DPP10: variants seen among roughly 807,000 people sequenced by gnomAD.
The protein encoded by DPP10 is inactive dipeptidyl peptidase 10.
In DPP10, 33 loss-of-function variants were observed where a neutral mutation model predicts 120.9. That is an observed-to-expected ratio of 0.27 (90% CI 0.21 to 0.37). The LOEUF is 0.37. DPP10 is among the 10% of genes least tolerant of loss of function. DPP10 has a pLI of 1.00. For missense variants in DPP10, 816 were observed against 942.8 expected, an observed-to-expected ratio of 0.87 and a Z score of 1.76; for synonymous variants, 337 against 326.1, an observed-to-expected ratio of 1.03 and a Z score of -0.36.
chr2:114,829,878 C>G (rs1371371965), intron 1 of DPP10, among the ~76,000 whole-genome samples: 2 of 152,148 alleles, frequency 1.3e-5, no homozygotes, highest in Admixed American at 6.6e-5. Flanking sequence ...CATTTCAGAA[C>G]CCGTGTCGTC....
intron 1 of DPP10, among the ~76,000 whole-genome samples, chr2:115,152,650 A>G (rs1268611475): frequency 6.6e-6 from 1 of 151,968 alleles, no homozygotes. Flanking sequence ...CTGCATTTTT[A>G]TTATGTCTAT....
intron 3 of DPP10, among the ~76,000 whole-genome samples, chr2:115,478,677 A>T (rs1208049876): frequency 6.6e-6 from 1 of 152,202 alleles, no homozygotes; most frequent in Non-Finnish European, 1.5e-5. Context: ...AATATCCAGA[A>T]CATATAGAAA....
At chr2:114,611,089 G>A (rs970147372) in intron 1 of DPP10, among the ~76,000 whole-genome samples, 2 of 152,054 alleles carry the variant, frequency 1.3e-5, no homozygotes, top group Non-Finnish European at 2.9e-5. Flanking sequence ...TTAATGGGGA[G>A]GGATGGTCTC....
chr2:115,766,310 G>GTGTGTGTGTGTATATATA (rs1371625141), intron 12 of DPP10, among the ~76,000 whole-genome samples: 1 of 81,748 alleles, frequency 1.2e-5, no homozygotes, highest in African/African-American at 4.3e-5. Flanking sequence ...GTGTGTGTGT[G>GTGTGTGTGTGTATATATA]TATATATATA....
chr2:114,607,360 A>G lies in DPP10; in HGVS notation c.60+164522A>G, dbSNP rs552991157. Among the ~76,000 whole-genome samples the G allele has an allele frequency of 5.3e-5, 8 of 152,252 alleles. No individual in the cohort carries two copies. The South Asian group carries it at 1.7e-3, about 32-fold the overall frequency. On this transcript the variant is annotated intron_variant, in intron 1 of 25. Coordinates refer to ENST00000410059, the MANE Select transcript of DPP10 (RefSeq NM_020868.6). ...GTAACTGGAAGGATAAGGCAGATTT[A>G]TGGGTGTTTATGTGCCTATGTGACA...
At chr2:115,155,003 T>G (rs2051808459) in intron 1 of DPP10, among the ~76,000 whole-genome samples, 1 of 151,884 alleles carries the variant, frequency 6.6e-6, no homozygotes, top group Admixed American at 6.6e-5. Flanking sequence ...GTGATTCTCC[T>G]GCCTCAGCTT....
At chr2:115,831,179 T>C (rs1688882460) in intron 21 of DPP10, among the ~76,000 whole-genome samples, 2 of 152,258 alleles carry the variant, frequency 1.3e-5, no homozygotes, top group African/African-American at 4.8e-5. Flanking sequence ...ATTCATTGTG[T>C]ACCACAAGTG....
At chr2:114,989,400 G>C (rs1700621235) in intron 1 of DPP10, among the ~76,000 whole-genome samples, 1 of 152,164 alleles carries the variant, frequency 6.6e-6, no homozygotes, top group Admixed American at 6.5e-5. Context: ...GAAGTGAACG[G>C]TGCTCCAAAA....
chr2:115,376,514 A>G (rs1311229877), intron 3 of DPP10, among the ~76,000 whole-genome samples: 1 of 150,518 alleles, frequency 6.6e-6, no homozygotes, highest in African/African-American at 2.4e-5. Context: ...ACACTTGTTG[A>G]TTCTAATAGT....
At chr2:115,761,170 G>T (rs1184529852) in intron 11 of DPP10, among the ~76,000 whole-genome samples, 2 of 150,946 alleles carry the variant, frequency 1.3e-5, no homozygotes, top group Non-Finnish European at 2.9e-5. Context: ...ACTTTGGGAG[G>T]CCAAGTGGGG....
At chr2:114,524,187 T>A (rs975045195) in intron 1 of DPP10, among the ~76,000 whole-genome samples, 1 of 152,214 alleles carries the variant, frequency 6.6e-6, no homozygotes, top group Non-Finnish European at 1.5e-5. Context: ...CAGGTGAAGA[T>A]GACATTTGTG....
intron 1 of DPP10, among the ~76,000 whole-genome samples, chr2:115,245,366 A>G (rs1376204372): frequency 2.6e-5 from 4 of 152,116 alleles, no homozygotes. Flanking sequence ...GCCAACAAAC[A>G]TATGAAAAAA....
chr2:114,454,738 A>T (rs533218278), intron 1 of DPP10, among the ~76,000 whole-genome samples: 26 of 152,070 alleles, frequency 1.7e-4, no homozygotes, highest in African/African-American at 6.3e-4. Context: ...CAGGAAGACG[A>T]CTTGCTTTGT....
At chr2:114,617,469 T>G (rs1165250964) in intron 1 of DPP10, among the ~76,000 whole-genome samples, 1 of 152,104 alleles carries the variant, frequency 6.6e-6, no homozygotes, top group African/African-American at 2.4e-5. Context: ...ATTAAATGTT[T>G]ATGATTCTAT....
intron 1 of DPP10, among the ~76,000 whole-genome samples, chr2:114,527,772 G>A: frequency 6.6e-6 from 1 of 152,128 alleles, no homozygotes; most frequent in African/African-American, 2.4e-5. Flanking sequence ...TACACACCTA[G>A]GTTATATGGT....
In DPP10 at chr2:115,389,672, C is replaced by T. The variant is rs142877606; in HGVS notation, c.271+45760C>T. ...AGAGTAATGCCCATGAATTATAACACCCACTAGCAGCAAAACAACACGTGC... is the reference window on the plus strand; with the variant it reads ...AGAGTAATGCCCATGAATTATAACATCCACTAGCAGCAAAACAACACGTGC... On this transcript the variant is annotated intron_variant, in intron 3 of 25. Transcript: ENST00000410059. 7.2e-4 allele frequency among the ~76,000 whole-genome samples: 110 copies of T among 152,178 alleles called. 1 individual carries two copies. The highest frequency in any genetic ancestry group is 2.4e-3 in the African/African-American group (101 of 41,528).
At chr2:114,793,159 A>G (rs1441112100) in intron 1 of DPP10, among the ~76,000 whole-genome samples, 1 of 151,938 alleles carries the variant, frequency 6.6e-6, no homozygotes, top group Non-Finnish European at 1.5e-5. Context: ...TGATTTTTTA[A>G]AATTATACTT....
chr2:114,471,617 T>A (rs1679919099), intron 1 of DPP10, among the ~76,000 whole-genome samples: 1 of 152,124 alleles, frequency 6.6e-6, no homozygotes, highest in Admixed American at 6.5e-5. Context: ...ATATAAAGAG[T>A]AGATTTTCAA....
intron 7 of DPP10, among the ~76,000 whole-genome samples, chr2:115,700,349 C>G (rs6542291): frequency 0.93 from 141,177 of 152,106 alleles, 66,249 homozygotes; most frequent in Non-Finnish European, 1. Flanking sequence ...CATCTCAACT[C>G]ATACAGAATA....
Sources: allele counts gnomAD v4.1 joint callset (sites outside exome capture counted in the v4.1 genomes callset), GRCh38; gene constraint gnomAD v4.1.1; transcripts MANE v1.5; gene names NCBI Gene and HGNC (gene_info 2026-07-23, HGNC 2026-07-21).